Variants in OTUD7A observed in about 807,000 individuals in gnomAD.
OTUD7A encodes the protein OTU deubiquitinase 7A, also known as OTU domain-containing protein 7A.
Under a neutral mutation model 65.7 loss-of-function variants are expected in OTUD7A, and 12 were observed. The observed-to-expected ratio is 0.18, with a 90% CI of 0.12 to 0.30. The LOEUF is 0.30. OTUD7A is among the 10% of genes least tolerant of loss of function. The pLI, the probability that OTUD7A is intolerant of heterozygous loss-of-function variation, is 1.00. For synonymous variants in OTUD7A, 641 were observed against 586.3 expected, an observed-to-expected ratio of 1.09 and a Z score of -1.35; for missense variants, 1,148 against 1,304.8, an observed-to-expected ratio of 0.88 and a Z score of 1.85.
chr15:31,614,315 GACAA>G (rs1261333779), intron 3 of OTUD7A, among the ~76,000 whole-genome samples: 1 of 147,828 alleles, frequency 6.8e-6, no homozygotes, highest in Non-Finnish European at 1.5e-5. Context: ...GAAAAAAAAA[GACAA>G]TGACTGAGAA....
At chr15:31,620,307 T>C (rs1266848995) in intron 3 of OTUD7A, among the ~76,000 whole-genome samples, 1 of 152,202 alleles carries the variant, frequency 6.6e-6, no homozygotes, top group Admixed American at 6.5e-5. Flanking sequence ...GGATTCCCTC[T>C]TTTTCTATTG....
At chr15:31,766,042 C>T (rs939784609) in intron 1 of OTUD7A, 2 of 1,554,660 alleles carry the variant, frequency 1.3e-6, no homozygotes, top group African/African-American at 2.7e-5. Context: ...GGCAAAGGAG[C>T]AAATAGTCCA....
Position 31,487,410 on chromosome 15 carries a change from C to T in OTUD7A, c.1286+42G>A, listed in dbSNP as rs749341525. The T allele has an allele frequency of 2.5e-6, 4 of 1,600,652 alleles. No homozygotes were observed. Among genetic ancestry groups the T allele is most frequent in the Non-Finnish European group, 3.4e-6 (4 of 1,170,084 alleles). On this transcript the variant is annotated intron_variant, in intron 11 of 12. Coordinates refer to ENST00000307050, the MANE Select transcript of OTUD7A (RefSeq NM_001382637.1). This position sits in a 1 kb window ranked among gnomAD's most constrained non-coding sequence, Gnocchi z 6.0. ...TCCCCAGGATGCCCCAGCCATAGCC[C>T]TCCCTGTGGGCGCTGGGGAAAGGGA...
chr15:31,559,180 C>T lies in OTUD7A; in HGVS notation c.339G>A (p.Arg113=), dbSNP rs113499482. The T allele has an allele frequency of 1.2e-3, 1,993 of 1,612,978 alleles. 26 individuals are homozygous for T. In the African/African-American group the frequency reaches 0.014, roughly 12 times the overall value. ...TGGCGTGGGAAATCCCCCGGGAAAG[C>T]CGCTTTTCTGCAGGGGGAGAAGGAA... ...QRQDDIAQEK[R]LSRGISHASS... Residue 113 remains arginine (R), a synonymous_variant, in exon 5 of 13, where the codon CGG becomes CGA. Coordinates refer to ENST00000307050, the MANE Select transcript of OTUD7A (RefSeq NM_001382637.1).
At chr15:31,820,186 G>A (rs1896644454) in intron 1 of OTUD7A, among the ~76,000 whole-genome samples, 1 of 152,186 alleles carries the variant, frequency 6.6e-6, no homozygotes, top group Non-Finnish European at 1.5e-5. Flanking sequence ...TTGCAAGCAG[G>A]CAATGGAGCA....
At chr15:31,649,334 C>T (rs182052927) in intron 3 of OTUD7A, among the ~76,000 whole-genome samples, 1 of 152,250 alleles carries the variant, frequency 6.6e-6, no homozygotes, top group African/African-American at 2.4e-5. Flanking sequence ...TTGTGATCAG[C>T]CTCTGCTCCT....
At chr15:31,784,655 G>A (rs1895625753) in intron 1 of OTUD7A, among the ~76,000 whole-genome samples, 1 of 152,064 alleles carries the variant, frequency 6.6e-6, no homozygotes, top group African/African-American at 2.4e-5. Context: ...AAGAATGTAA[G>A]GGAACCTGAC....
chr15:31,803,432 T>C (rs922596823), intron 1 of OTUD7A, among the ~76,000 whole-genome samples: 4 of 152,234 alleles, frequency 2.6e-5, no homozygotes, highest in African/African-American at 9.7e-5. Context: ...CTGATGGCTC[T>C]GATTCTCCAG....
intron 3 of OTUD7A, among the ~76,000 whole-genome samples, chr15:31,629,552 C>G (rs1047309159): frequency 6.6e-5 from 10 of 152,144 alleles, no homozygotes; most frequent in Admixed American, 5.9e-4. Flanking sequence ...AGCTAAAATT[C>G]TCTTTTTTGT....
At chr15:31,756,922 C>T (rs17762839) in intron 1 of OTUD7A, among the ~76,000 whole-genome samples, 22,644 of 151,710 alleles carry the variant, frequency 0.15, 2,012 homozygotes, top group East Asian at 0.44. Flanking sequence ...GTGGGGGCCA[C>T]CGAAGTTGCT....
intron 3 of OTUD7A, among the ~76,000 whole-genome samples, chr15:31,576,506 C>T (rs768842107): frequency 8.5e-5 from 13 of 152,228 alleles, no homozygotes; most frequent in Admixed American, 2.6e-4. Flanking sequence ...CCTGGAAGCC[C>T]CCAGGTCAAG....
intron 3 of OTUD7A, among the ~76,000 whole-genome samples, chr15:31,637,008 G>C (rs1891362597): frequency 6.6e-6 from 1 of 152,194 alleles, no homozygotes; most frequent in South Asian, 2.1e-4. Context: ...TGGGGAAGTG[G>C]CAAGTGCTGA....
chr15:31,714,278 A>C (rs1268705995), intron 1 of OTUD7A, among the ~76,000 whole-genome samples: 1 of 152,224 alleles, frequency 6.6e-6, no homozygotes, highest in Non-Finnish European at 1.5e-5. Flanking sequence ...TCACACACGG[A>C]CAAATAGTAC....
intron 1 of OTUD7A, among the ~76,000 whole-genome samples, chr15:31,818,500 G>C (rs994104564): frequency 6.6e-6 from 1 of 152,286 alleles, no homozygotes; most frequent in Middle Eastern, 3.4e-3. Flanking sequence ...GGGAGACAGC[G>C]GCCTCCCTGT....
intron 1 of OTUD7A, chr15:31,766,787 G>T (rs1308908911): frequency 9.9e-6 from 16 of 1,612,820 alleles, no homozygotes; most frequent in Non-Finnish European, 1.3e-5. Flanking sequence ...AGATTCAACA[G>T]GAATTCCTGT....
rs375535007 is a variant in OTUD7A at position 31,487,511 on chromosome 15, C to T, written c.1227G>A (p.Val409=). 18 of 1,614,060 alleles carry T rather than the reference C, an allele frequency of 1.1e-5. No homozygotes were observed. The highest frequency in any genetic ancestry group is 1.7e-5 in the Admixed American group (1 of 60,026). The change falls in exon 11 of 13, where the codon GTG becomes GTA. Residue 409 remains valine (V), a synonymous_variant. Transcript: ENST00000307050. The surrounding 1 kb of genome is among the most constrained non-coding windows in gnomAD (Gnocchi z 6.0). ...EHKLLPLHFA[V]DPGKDWEWGK... ...CCCACTCCCAGTCCTTGCCAGGGTC[C>T]ACTGCAAAGTGCAGAGGCAGCAGCT...
intron 3 of OTUD7A, among the ~76,000 whole-genome samples, chr15:31,596,399 T>G (rs1889905180): frequency 6.6e-6 from 1 of 152,256 alleles, no homozygotes; most frequent in East Asian, 1.9e-4. Context: ...GAGGGATATG[T>G]GCGTTACTTC....
intron 3 of OTUD7A, among the ~76,000 whole-genome samples, chr15:31,603,311 T>G (rs1036155065): frequency 6.6e-6 from 1 of 152,228 alleles, no homozygotes; most frequent in Non-Finnish European, 1.5e-5. Flanking sequence ...CCATCTGATC[T>G]TTGACAAACC....
intron 5 of OTUD7A, among the ~76,000 whole-genome samples, chr15:31,536,391 CAT>C (rs1227537003): frequency 2.0e-5 from 3 of 152,188 alleles, no homozygotes; most frequent in East Asian, 3.8e-4. Flanking sequence ...CTTCTAGTGA[CAT>C]ATATATGTTT....
Sources: gnomAD v4.1 joint callset for allele counts (sites outside exome capture counted in the v4.1 genomes callset) on GRCh38, gnomAD v4.1.1 for gene constraint, Gnocchi (gnomAD v3.1) non-coding constraint, MANE v1.5 for transcripts, NCBI Gene and HGNC (gene_info 2026-07-23, HGNC 2026-07-21) for gene names.